Variants in CAMK1D observed in about 807,000 individuals in gnomAD.
CAMK1D encodes calcium/calmodulin-dependent protein kinase type 1D.
A neutral mutation model predicts 47.7 loss-of-function variants in CAMK1D; 9 were observed. That is an observed-to-expected ratio of 0.19 (90% CI 0.11 to 0.33). The LOEUF is 0.33. CAMK1D is among the 10% of genes least tolerant of loss of function. The probability of loss-of-function intolerance (pLI) is 1.00; values close to 1 mark genes in which losing one functional copy is unlikely to be tolerated. For missense variants in CAMK1D, 291 were observed against 488.7 expected (o/e 0.60, Z 3.81); for synonymous variants, 184 against 184.9 (o/e 0.99, Z 0.04).
chr10:12,637,042 G>C (rs548212566), intron 2 of CAMK1D, among the ~76,000 whole-genome samples: 1 of 152,130 alleles, frequency 6.6e-6, no homozygotes, highest in Non-Finnish European at 1.5e-5. Context: ...CTTCATCTCA[G>C]CTCACTGCAA....
At chr10:12,809,753 C>G (rs1832521404) in intron 6 of CAMK1D, among the ~76,000 whole-genome samples, 1 of 152,190 alleles carries the variant, frequency 6.6e-6, no homozygotes, top group African/African-American at 2.4e-5. Context: ...TGAGGAGTTA[C>G]TAATCACTGG....
chr10:12,563,702 A>AGAGAGAGAGAGAGAGAGG (rs1837027452), intron 2 of CAMK1D, among the ~76,000 whole-genome samples: 3 of 150,682 alleles, frequency 2.0e-5, no homozygotes, highest in African/African-American at 4.9e-5. Flanking sequence ...AGAGAGAGGG[A>AGAGAGAGAGAGAGAGAGG]GAGAGAGGGA....
intron 6 of CAMK1D, among the ~76,000 whole-genome samples, chr10:12,806,910 A>G (rs901478501): frequency 6.6e-6 from 1 of 152,130 alleles, no homozygotes; most frequent in African/African-American, 2.4e-5. Flanking sequence ...GGCTAGATCA[A>G]CACCTGTCTC....
chr10:12,536,345 C>T (rs1034372092), intron 1 of CAMK1D, among the ~76,000 whole-genome samples: 13 of 152,134 alleles, frequency 8.5e-5, no homozygotes, highest in Non-Finnish European at 1.8e-4. Flanking sequence ...GTGGCGTGAT[C>T]TTGGCTCACT....
chr10:12,394,223 AGGGTG>A, intron 1 of CAMK1D, among the ~76,000 whole-genome samples: 1 of 152,282 alleles, frequency 6.6e-6, no homozygotes, highest in East Asian at 1.9e-4. Flanking sequence ...GGCGAGGTGT[AGGGTG>A]GGGTGAGGTA....
intron 2 of CAMK1D, among the ~76,000 whole-genome samples, chr10:12,563,892 C>T (rs1433495725): frequency 6.6e-6 from 1 of 152,104 alleles, no homozygotes; most frequent in Non-Finnish European, 1.5e-5. Flanking sequence ...TTCCTTGTGC[C>T]ATCTCTGTCA....
intron 1 of CAMK1D, among the ~76,000 whole-genome samples, chr10:12,410,795 G>C (rs758127272): frequency 7.2e-5 from 11 of 152,104 alleles, no homozygotes; most frequent in African/African-American, 1.2e-4. Context: ...TGCGACCTGA[G>C]CTTTGTGGAG....
intron 2 of CAMK1D, among the ~76,000 whole-genome samples, chr10:12,616,589 C>T (rs1423463301): frequency 6.6e-6 from 1 of 151,072 alleles, no homozygotes; most frequent in African/African-American, 2.4e-5. Context: ...GTGATCTCGG[C>T]TCACTGCAAG....
At chr10:12,581,687 T>C (rs1201039148) in intron 2 of CAMK1D, among the ~76,000 whole-genome samples, 1 of 152,220 alleles carries the variant, frequency 6.6e-6, no homozygotes, top group Non-Finnish European at 1.5e-5. Flanking sequence ...TTGTATACCT[T>C]CTTTTGAGAA....
intron 5 of CAMK1D, among the ~76,000 whole-genome samples, chr10:12,788,228 T>A (rs1837820074): frequency 1.3e-5 from 2 of 152,020 alleles, no homozygotes; most frequent in South Asian, 4.2e-4. Flanking sequence ...CTCACTCTTG[T>A]TGCCCAGGAT....
At chr10:12,779,036 T>G (rs1837383241) in intron 5 of CAMK1D, among the ~76,000 whole-genome samples, 1 of 152,030 alleles carries the variant, frequency 6.6e-6, no homozygotes, top group Non-Finnish European at 1.5e-5. Context: ...ACGGGCTGCT[T>G]CTTGGAGGAT....
intron 1 of CAMK1D, among the ~76,000 whole-genome samples, chr10:12,422,202 A>G (rs1263235481): frequency 6.6e-6 from 1 of 151,944 alleles, no homozygotes; most frequent in Non-Finnish European, 1.5e-5. Flanking sequence ...TTTCATTGCT[A>G]TTTGGTGGTT....
chr10:12,361,248 G>GTTTTTT (rs55700646), intron 1 of CAMK1D, among the ~76,000 whole-genome samples: 4 of 120,078 alleles, frequency 3.3e-5, no homozygotes, highest in South Asian at 2.8e-4. Context: ...CTATTTGACT[G>GTTTTTT]TTTTTTTTTT....
intron 1 of CAMK1D, among the ~76,000 whole-genome samples, chr10:12,499,655 A>G (rs1197463100): frequency 6.6e-6 from 1 of 152,176 alleles, no homozygotes; most frequent in Non-Finnish European, 1.5e-5. Context: ...CAAGTGCTTG[A>G]GAGAGAGGGA....
chr10:12,507,226 C>G (rs1834903078), intron 1 of CAMK1D, among the ~76,000 whole-genome samples: 1 of 152,176 alleles, frequency 6.6e-6, no homozygotes, highest in Non-Finnish European at 1.5e-5. Context: ...ATCTCACAAG[C>G]TAATACACGG....
At chr10:12,663,797 G>A (rs1055612068) in intron 2 of CAMK1D, among the ~76,000 whole-genome samples, 49 of 152,228 alleles carry the variant, frequency 3.2e-4, no homozygotes, top group African/African-American at 1.0e-3. Flanking sequence ...ATGGATAGTC[G>A]TATGGCATTT....
At chr10:12,792,557 TCTC>T (rs1802375924) in intron 6 of CAMK1D, among the ~76,000 whole-genome samples, 1 of 152,172 alleles carries the variant, frequency 6.6e-6, no homozygotes, top group Admixed American at 6.5e-5. Context: ...GGCATCCTCT[TCTC>T]CTCCAGGAAT....
At chr10:12,792,515 G>A (rs1838019460) in intron 6 of CAMK1D, among the ~76,000 whole-genome samples, 1 of 152,222 alleles carries the variant, frequency 6.6e-6, no homozygotes, top group Non-Finnish European at 1.5e-5. Context: ...GACTGCAGGG[G>A]ATGGTGATTG....
chr10:12,443,208 C>G (rs925303040), intron 1 of CAMK1D, among the ~76,000 whole-genome samples: 1 of 152,130 alleles, frequency 6.6e-6, no homozygotes, highest in African/African-American at 2.4e-5. Flanking sequence ...TGCGGCAGAT[C>G]TTCTCGGGGT....
Sources: gnomAD v4.1 joint callset for allele counts (sites outside exome capture counted in the v4.1 genomes callset) on GRCh38, gnomAD v4.1.1 for gene constraint, MANE v1.5 for transcripts, NCBI Gene and HGNC (gene_info 2026-07-23, HGNC 2026-07-21) for gene names.